NRXN3: variants seen among roughly 807,000 people sequenced by gnomAD.
NRXN3 encodes the protein neurexin III.
NRXN3 carries 32 observed loss-of-function variants against 137.6 expected under a neutral mutation model. That is an observed-to-expected ratio of 0.23 (90% CI 0.18 to 0.31). NRXN3 has a LOEUF of 0.31. Ranked by LOEUF, NRXN3 falls within the 10% of genes least tolerant of loss-of-function variation. NRXN3 has a pLI of 1.00. For missense variants in NRXN3, 1,574 were observed against 2,062.5 expected, an observed-to-expected ratio of 0.76 and a Z score of 4.59; for synonymous variants, 798 against 784.5, an observed-to-expected ratio of 1.02 and a Z score of -0.29.
chr14:78,994,479 CA>C (rs1208619599), intron 15 of NRXN3, among the ~76,000 whole-genome samples: 1 of 152,184 alleles, frequency 6.6e-6, no homozygotes. Flanking sequence ...ATGTTGAAAT[CA>C]TTGCTGAGTC....
intron 4 of NRXN3, among the ~76,000 whole-genome samples, chr14:78,602,874 G>A (rs2097213720): frequency 6.6e-6 from 1 of 152,118 alleles, no homozygotes; most frequent in African/African-American, 2.4e-5. Flanking sequence ...ACCTTAGCTA[G>A]GGAAGGGATG....
At chr14:78,813,537 G>A (rs1024782276) in intron 10 of NRXN3, among the ~76,000 whole-genome samples, 5 of 152,088 alleles carry the variant, frequency 3.3e-5, no homozygotes, top group African/African-American at 9.7e-5. Context: ...CCCTTGAAGG[G>A]AAATACTGAA....
intron 3 of NRXN3, chr14:78,279,720 C>T (rs2074133583): frequency 6.6e-6 from 1 of 152,102 alleles, no homozygotes; most frequent in African/African-American, 2.4e-5. Flanking sequence ...AGTGAAAATT[C>T]TCAGTGATTA....
intron 15 of NRXN3, among the ~76,000 whole-genome samples, chr14:79,168,826 A>AATGT (rs2061519300): frequency 6.6e-6 from 1 of 152,076 alleles, no homozygotes; most frequent in African/African-American, 2.4e-5. Flanking sequence ...TTTATCATGA[A>AATGT]ATGTAATACC....
intron 17 of NRXN3, among the ~76,000 whole-genome samples, chr14:79,688,184 A>G (rs1173054234): frequency 2.0e-5 from 3 of 152,174 alleles, no homozygotes; most frequent in Non-Finnish European, 4.4e-5. Context: ...GAGTCGAGTC[A>G]TATTAATAAT....
At chr14:79,296,881 T>A (rs1422871214) in intron 15 of NRXN3, among the ~76,000 whole-genome samples, 1 of 152,224 alleles carries the variant, frequency 6.6e-6, no homozygotes, top group Non-Finnish European at 1.5e-5. Flanking sequence ...ATAAAAATGT[T>A]TAATGTGGCC....
rs117403568 is a variant in NRXN3 at position 78,958,000 on chromosome 14, A to C, written c.2395+639A>C. Among the ~76,000 whole-genome samples the C allele has an allele frequency of 7.9e-5, 12 of 152,306 alleles. No homozygotes were observed. In the East Asian group the frequency reaches 2.3e-3, roughly 29 times the overall value. ...ACATTCAGAGCTCCACACAATCAATAAGTATTTCCTAAGAGTCTGTTCTAT... is the reference window on the plus strand; with the variant it reads ...ACATTCAGAGCTCCACACAATCAATCAGTATTTCCTAAGAGTCTGTTCTAT... On this transcript the variant is annotated intron_variant, in intron 11 of 20. Transcript: ENST00000335750.
chr14:78,744,163 G>A (rs75485447), intron 8 of NRXN3, among the ~76,000 whole-genome samples: 2,439 of 152,244 alleles, frequency 0.016, 85 homozygotes, highest in African/African-American at 0.056. Context: ...GTTTGAAATG[G>A]AGGAGTCTCA....
intron 17 of NRXN3, among the ~76,000 whole-genome samples, chr14:79,675,164 A>ATATCT (rs2098633895): frequency 6.6e-6 from 1 of 152,090 alleles, no homozygotes; most frequent in African/African-American, 2.4e-5. Context: ...GGAAACCCTG[A>ATATCT]TATCTTTATT....
intron 15 of NRXN3, among the ~76,000 whole-genome samples, chr14:79,043,835 A>C (rs2152542847): frequency 6.6e-6 from 1 of 152,288 alleles, no homozygotes; most frequent in South Asian, 2.1e-4. Flanking sequence ...ATTCAAAGCT[A>C]CCATGTGAAG....
chr14:79,426,481 C>T (rs2095656555), intron 15 of NRXN3, among the ~76,000 whole-genome samples: 1 of 152,196 alleles, frequency 6.6e-6, no homozygotes, highest in Non-Finnish European at 1.5e-5. Flanking sequence ...GCTATGTTTT[C>T]TGAGTACCTA....
chr14:78,300,718 A>G (rs182816410), intron 4 of NRXN3: 4 of 1,462,546 alleles, frequency 2.7e-6, no homozygotes, highest in East Asian at 2.5e-5. Context: ...TTTTATCATT[A>G]TAACTATCAA....
chr14:78,580,906 A>G (rs1391220452), intron 4 of NRXN3, among the ~76,000 whole-genome samples: 1 of 152,192 alleles, frequency 6.6e-6, no homozygotes, highest in Non-Finnish European at 1.5e-5. Flanking sequence ...AGTCCTTGAA[A>G]AGGGGAAAAG....
At chr14:78,775,520 T>C (rs1238911794) in intron 8 of NRXN3, among the ~76,000 whole-genome samples, 1 of 152,168 alleles carries the variant, frequency 6.6e-6, no homozygotes, top group African/African-American at 2.4e-5. Flanking sequence ...ATTTTATGTG[T>C]GGCCTAAGAT....
intron 4 of NRXN3, among the ~76,000 whole-genome samples, chr14:78,539,366 T>C (rs1440483264): frequency 6.6e-6 from 1 of 152,238 alleles, no homozygotes; most frequent in Non-Finnish European, 1.5e-5. Context: ...TCCAGGAATT[T>C]ATCCATTTCT....
chr14:78,799,825 A>C (rs2098833193), intron 8 of NRXN3, among the ~76,000 whole-genome samples: 1 of 152,128 alleles, frequency 6.6e-6, no homozygotes, highest in South Asian at 2.1e-4. Context: ...TAAAACCATC[A>C]GATCTTATGA....
intron 4 of NRXN3, among the ~76,000 whole-genome samples, chr14:78,523,816 C>CAAAAAAAAAAAAAAAAA (rs56083130): frequency 5.0e-4 from 31 of 61,574 alleles, no homozygotes; most frequent in Non-Finnish European, 7.4e-4. Context: ...GACTCTGTCT[C>CAAAAAAAAAAAAAAAAA]AAAAAAAAAA....
chr14:79,541,409 A>G (rs960318059), intron 16 of NRXN3, among the ~76,000 whole-genome samples: 1 of 152,238 alleles, frequency 6.6e-6, no homozygotes, highest in Non-Finnish European at 1.5e-5. Context: ...ATCTCAAAAA[A>G]AAAGATACTT....
intron 16 of NRXN3, among the ~76,000 whole-genome samples, chr14:79,567,010 G>A (rs979817574): frequency 6.6e-6 from 1 of 152,106 alleles, no homozygotes; most frequent in Non-Finnish European, 1.5e-5. Flanking sequence ...GTTGCTTATA[G>A]AGGTCCTGCT....
Sources: allele counts gnomAD v4.1 joint callset (sites outside exome capture counted in the v4.1 genomes callset), GRCh38; gene constraint gnomAD v4.1.1; transcripts MANE v1.5; gene names NCBI Gene and HGNC (gene_info 2026-07-23, HGNC 2026-07-21).